Variants in RTCA observed in about 807,000 individuals in gnomAD.
RTCA encodes the protein RNA 3'-terminal phosphate cyclase, also known as RNA terminal phosphate cyclase domain 1.
RTCA carries 37 observed loss-of-function variants against 46.1 expected under a neutral mutation model. That is an observed-to-expected ratio of 0.80 (90% CI 0.62 to 1.06). The LOEUF is 1.06. Ranked by LOEUF, RTCA falls within the 50% of genes least tolerant of loss-of-function variation. RTCA has a pLI of 0.00. For missense variants in RTCA, 435 were observed against 455.5 expected, an observed-to-expected ratio of 0.95 and a Z score of 0.41; for synonymous variants, 164 against 158.3, an observed-to-expected ratio of 1.04 and a Z score of -0.27.
intron 10 of RTCA, among the ~76,000 whole-genome samples, chr1:100,289,822 T>C (rs1667255846): frequency 6.6e-6 from 1 of 152,240 alleles, no homozygotes. Context: ...GTTTCTTATC[T>C]TTCTTTGTCT....
intron 4 of RTCA, among the ~76,000 whole-genome samples, chr1:100,272,945 A>C (rs186495638): frequency 1.1e-3 from 168 of 152,308 alleles, no homozygotes; most frequent in African/African-American, 3.9e-3. Flanking sequence ...TTTGTTTAGG[A>C]ATAATTTTAT....
chr1:100,275,093 C>A, intron 6 of RTCA, 128 bp downstream of exon 6: 3 of 969,594 alleles, frequency 3.1e-6, no homozygotes, highest in East Asian at 2.7e-5. Context: ...TCCTTTGTGG[C>A]AATATGGCTG....
intron 8 of RTCA, among the ~76,000 whole-genome samples, chr1:100,283,633 A>T (rs4325147): frequency 6.6e-6 from 1 of 152,138 alleles, no homozygotes; most frequent in Non-Finnish European, 1.5e-5. Flanking sequence ...TTGCAGCATA[A>T]TTATTATCAT....
chr1:100,275,343 A>G (rs1236142935), intron 6 of RTCA, among the ~76,000 whole-genome samples: 2 of 152,238 alleles, frequency 1.3e-5, no homozygotes, highest in African/African-American at 4.8e-5. Flanking sequence ...TAATTTACCC[A>G]TGTAACAAAC....
rs1423595351 is a variant in RTCA, at chr1:100,275,592, A to G, written c.616-7A>G. The G allele has an allele frequency of 2.5e-6, 4 of 1,594,192 alleles. No homozygotes were observed. In the South Asian group the frequency reaches 3.5e-5, roughly 14 times the overall value. On this transcript the variant is annotated splice_polypyrimidine_tract_variant and splice_region_variant and intron_variant, in intron 6 of 10. Transcript: ENST00000370128. The stretch of plus-strand genomic sequence containing the variant: ...TTTTATTCTATTTTTCTGTCTTGCT[A>G]AAATAGGTAGCAAAAGATATGGCAG...
chr1:100,280,329 A>T (rs899083797), intron 8 of RTCA, among the ~76,000 whole-genome samples: 2 of 152,072 alleles, frequency 1.3e-5, no homozygotes, highest in African/African-American at 4.8e-5. Context: ...AATACATGGA[A>T]TTTTTTTACC....
chr1:100,272,572 T>C lies in RTCA; in HGVS notation c.415-822T>C, dbSNP rs115310914. On this transcript the variant is annotated intron_variant, in intron 4 of 10. Coordinates refer to ENST00000370128, the MANE Select transcript of RTCA (RefSeq NM_003729.4). ...ATAACCTGTATACCTCCTGGATACA[T>C]AGGAGACAACCCAGAGAAATAAGTA... 7.2e-3 allele frequency among the ~76,000 whole-genome samples: 1,093 copies of C among 152,286 alleles called. 8 individuals carry two copies. Among genetic ancestry groups the C allele is most frequent in the Non-Finnish European group, 0.012 (795 of 68,020 alleles).
intron 10 of RTCA, among the ~76,000 whole-genome samples, chr1:100,291,099 G>T (rs1426771140): frequency 3.3e-5 from 5 of 152,196 alleles, no homozygotes; most frequent in Admixed American, 3.3e-4. Flanking sequence ...TTTCAAAATT[G>T]TTATTTGCCT....
chr1:100,279,629 A>G (rs1385935291), intron 8 of RTCA, among the ~76,000 whole-genome samples: 1 of 151,820 alleles, frequency 6.6e-6, no homozygotes, highest in African/African-American at 2.4e-5. Flanking sequence ...TTTTTTTTTA[A>G]GTAGCCCCAT....
chr1:100,273,968 T>C (rs1666238278), intron 5 of RTCA, among the ~76,000 whole-genome samples: 1 of 152,224 alleles, frequency 6.6e-6, no homozygotes, highest in Admixed American at 6.5e-5. Flanking sequence ...CTCTCCTCCT[T>C]TCAACGTGTT....
At chr1:100,284,457 A>T (rs1317276140) in intron 8 of RTCA, among the ~76,000 whole-genome samples, 2 of 150,798 alleles carry the variant, frequency 1.3e-5, no homozygotes, top group East Asian at 1.9e-4. Flanking sequence ...ACAGTGGCAC[A>T]ATCTCAGCTC....
rs192861954 is a variant in RTCA, at chr1:100,270,746, A to G, written c.414+66A>G. 8.1e-5 allele frequency: 126 copies of G among 1,550,104 alleles called. No homozygotes were observed. The African/African-American group carries it at 1.4e-3, about 18-fold the overall frequency. Reference sequence around the variant, plus strand: ...CATGCTTCTGAGTCTCCATTCTCTAAATATATCCTGAGTGTTTTTTTGTGA... The same window carrying G: ...CATGCTTCTGAGTCTCCATTCTCTAGATATATCCTGAGTGTTTTTTTGTGA... On this transcript the variant is annotated intron_variant, in intron 4 of 10. Transcript: ENST00000370128.
intron 3 of RTCA, among the ~76,000 whole-genome samples, chr1:100,269,534 A>G (rs949031821): frequency 1.3e-5 from 2 of 151,914 alleles, no homozygotes; most frequent in African/African-American, 4.8e-5. Flanking sequence ...GAGTCTCACT[A>G]TGTTGCCCAG....
chr1:100,276,937 A>T (rs187398865), intron 7 of RTCA, among the ~76,000 whole-genome samples: 2 of 152,198 alleles, frequency 1.3e-5, no homozygotes. Flanking sequence ...ATTCTGAAAC[A>T]CTTTATAGTA....
chr1:100,288,453 C>T (rs1667153983), intron 10 of RTCA, among the ~76,000 whole-genome samples: 1 of 152,020 alleles, frequency 6.6e-6, no homozygotes, highest in Non-Finnish European at 1.5e-5. Flanking sequence ...CACTGTTGCC[C>T]AGGCTGGATT....
chr1:100,277,806 G>GA (rs1666478251), intron 8 of RTCA, among the ~76,000 whole-genome samples: 1 of 151,068 alleles, frequency 6.6e-6, no homozygotes, highest in South Asian at 2.1e-4. Flanking sequence ...TTTTTTTGGG[G>GA]GGGGGCACAT....
intron 3 of RTCA, among the ~76,000 whole-genome samples, chr1:100,269,304 G>A (rs1214879508): frequency 6.6e-6 from 1 of 151,404 alleles, no homozygotes; most frequent in Non-Finnish European, 1.5e-5. Context: ...GACCAAACAG[G>A]CAAGTAAAGC....
rs372455648 is a variant in RTCA at position 100,291,499 on chromosome 1, C to A, written c.1096C>A (p.Leu366Ile). ...AGGAATTGGGATGACAAATCCAAAT[C>A]TATAGAGTATTTGCCTCTTAAATGA... ...CQGIGMTNPN[L>I] Residue 366 changes from leucine (L) to isoleucine (I), a missense_variant, in exon 11 of 11, where the codon CTA (leucine) becomes ATA (isoleucine). Leu to Ile is a conservative substitution (Grantham distance 5). Transcript: ENST00000370128. The A allele has an allele frequency of 1.3e-6, 2 of 1,586,000 alleles. No individual in the cohort carries two copies. Among genetic ancestry groups the A allele is most frequent in the Admixed American group, 1.7e-5 (1 of 59,388 alleles).
At chr1:100,270,884 T>G (rs538439395) in intron 4 of RTCA, among the ~76,000 whole-genome samples, 1 of 151,834 alleles carries the variant, frequency 6.6e-6, no homozygotes, top group East Asian at 2.0e-4. Flanking sequence ...CACTGCATAC[T>G]CAACCTCCTG....
Sources: allele counts gnomAD v4.1 joint callset (sites outside exome capture counted in the v4.1 genomes callset), GRCh38; gene constraint gnomAD v4.1.1; transcripts MANE v1.5; gene names NCBI Gene and HGNC (gene_info 2026-07-23, HGNC 2026-07-21).